The following AK2 variants were observed in gnomAD, a reference collection of about 807,000 sequenced individuals.
The protein encoded by AK2 is adenylate kinase 2, mitochondrial.
AK2 carries 15 observed loss-of-function variants against 24.6 expected under a neutral mutation model. The observed-to-expected ratio is 0.61, with a 90% CI of 0.41 to 0.94. AK2 has a LOEUF of 0.94. Among genes scored for constraint, AK2 ranks in the 40% least tolerant of loss-of-function variants. The pLI is 0.00. For missense variants in AK2, 257 were observed against 304.1 expected, an observed-to-expected ratio of 0.85 and a Z score of 1.15; for synonymous variants, 102 against 114.0, an observed-to-expected ratio of 0.90 and a Z score of 0.67.
At chr1:33,036,688 C>T (rs1285299298) in intron 1 of AK2, 48 bp downstream of exon 1, 13 of 1,518,700 alleles carry the variant, frequency 8.6e-6, no homozygotes, top group Non-Finnish European at 1.2e-5. Flanking sequence ...GCCGCCTTGA[C>T]CTTGGAGTTC....
In AK2 at chr1:33,011,633, G is replaced by A. The variant is rs1638827408; in HGVS notation, c.*1548C>T. ...GCTGAGGCTGGCGATATTATTTACT[G>A]GATCTGCCACTGACTTTCTAATGGT... On this transcript the variant is annotated 3_prime_UTR_variant, in exon 6 of 6. Transcript: ENST00000672715. The A allele has an allele frequency of 3.1e-6, 4 of 1,291,518 alleles. No homozygotes were observed. The highest frequency in any genetic ancestry group is 2.3e-5 in the Admixed American group (1 of 43,666). The allele number at this position is 1,291,518 out of a possible 1,614,324, so 80.0% of individuals were successfully genotyped here. A position where few individuals can be genotyped will look rare whatever the true frequency, so the allele number is the denominator to read the frequency against.
chr1:33,019,628 C>G, intron 4 of AK2: 1 of 993,146 alleles, frequency 1.0e-6, no homozygotes, highest in Non-Finnish European at 1.2e-6. Context: ...TAGTGCTAAC[C>G]CTGTGCTGTC....
At chr1:33,026,782 T>C (rs1418117381) in intron 1 of AK2, among the ~76,000 whole-genome samples, 2 of 149,798 alleles carry the variant, frequency 1.3e-5, no homozygotes, top group African/African-American at 2.5e-5. Flanking sequence ...CACTCCAGCC[T>C]GGAGACAGAG....
At position 33,036,639 on chromosome 1, in the gene AK2, CG is replaced by C. The variant is rs1471344985; in HGVS notation, c.93+96del. On this transcript the variant is annotated intron_variant, in intron 1 of 5. Transcript: ENST00000672715. Reference sequence around the variant, plus strand: ...AGCGTTCCCCGCAGGCCTTAGTCCCCGGCCCGCTCCGGGCAGGTCCAGGGCT... The same window carrying C: ...AGCGTTCCCCGCAGGCCTTAGTCCCCGCCCGCTCCGGGCAGGTCCAGGGCT... 1.1e-5 allele frequency: 13 copies of C among 1,203,520 alleles called. No homozygotes were observed. In the African/African-American group the frequency reaches 1.8e-4, roughly 17 times the overall value. 74.6% of individuals were successfully genotyped at this position (1,203,520 alleles called of 1,614,324 possible).
intron 2 of AK2, among the ~76,000 whole-genome samples, chr1:33,023,501 C>A (rs1289816287): frequency 6.6e-6 from 1 of 152,086 alleles, no homozygotes; most frequent in Non-Finnish European, 1.5e-5. Flanking sequence ...GTGGGAGGAT[C>A]ACTTGAGCCC....
chr1:33,020,057 G>C, intron 4 of AK2: 1 of 1,534,950 alleles, frequency 6.5e-7, no homozygotes, highest in South Asian at 1.2e-5. Context: ...GCACAAAGCA[G>C]ATGGCAGTGA....
In AK2 at chr1:33,010,833, G is replaced by A. The variant is rs549550136; in HGVS notation, c.*2348C>T. 4.3e-6 allele frequency: 7 copies of A among 1,614,196 alleles called. No individual in the cohort carries two copies. In the African/African-American group the frequency reaches 8.0e-5, roughly 18 times the overall value. On this transcript the variant is annotated 3_prime_UTR_variant, in exon 6 of 6. Coordinates refer to ENST00000672715, the MANE Select transcript of AK2 (RefSeq NM_001625.4). Reference sequence around the variant, plus strand: ...GTCTCGCCTGGCCTTCTGATACTAGGCTGAAATAGAGAGGAAACAAGAGAG... The same window carrying A: ...GTCTCGCCTGGCCTTCTGATACTAGACTGAAATAGAGAGGAAACAAGAGAG...
In AK2 at chr1:33,009,542, T is replaced by C. The variant is rs1437007608; in HGVS notation, c.*3639A>G. 2 of 454,028 alleles carry C rather than the reference T, an allele frequency of 4.4e-6. No homozygotes were observed. The highest frequency in any genetic ancestry group is 4.0e-5 in the African/African-American group (2 of 50,016). The allele number at this position is 454,028 out of a possible 1,614,324, so 28.1% of individuals were successfully genotyped here. The stretch of plus-strand genomic sequence containing the variant: ...CCAATGTCTGTTGCATGCCAGGTAC[T>C]GAGCAAAAACCTTCTTCCTATAAAT... On this transcript the variant is annotated 3_prime_UTR_variant, in exon 6 of 6. Coordinates refer to ENST00000672715, the MANE Select transcript of AK2 (RefSeq NM_001625.4).
intron 1 of AK2, among the ~76,000 whole-genome samples, chr1:33,026,196 T>C (rs75040699): frequency 0.026 from 3,956 of 152,284 alleles, 79 homozygotes; most frequent in Non-Finnish European, 0.04. Context: ...TTTTCTTTTC[T>C]TTCTTTCTTT....
chr1:33,034,198 C>A (rs1194247245), intron 1 of AK2, among the ~76,000 whole-genome samples: 1 of 152,108 alleles, frequency 6.6e-6, no homozygotes, highest in African/African-American at 2.4e-5. Flanking sequence ...CTTATCCTTT[C>A]AACTCCCAGC....
intron 2 of AK2, among the ~76,000 whole-genome samples, chr1:33,022,566 A>C (rs1045093109): frequency 6.6e-6 from 1 of 152,010 alleles, no homozygotes; most frequent in Non-Finnish European, 1.5e-5. Context: ...CATGTTGGCC[A>C]GGCTGGTCTC....
chr1:33,019,976 C>G (rs908772015), intron 4 of AK2: 1 of 1,437,516 alleles, frequency 7.0e-7, no homozygotes, highest in African/African-American at 1.4e-5. Flanking sequence ...CATAAAAAAG[C>G]TACAGCCCAC....
chr1:33,013,548 G>A, intron 5 of AK2, 146 bp from the exon 6 acceptor site: 1 of 1,444,336 alleles, frequency 6.9e-7, no homozygotes, highest in Non-Finnish European at 9.4e-7. Flanking sequence ...AGGCAATCCA[G>A]ACCCTCTCCA....
intron 5 of AK2, 139 bp from the exon 6 acceptor site, chr1:33,013,541 C>A (rs1199136114): frequency 1.4e-6 from 2 of 1,457,568 alleles, no homozygotes; most frequent in Non-Finnish European, 1.9e-6. Context: ...CAAAGACAGG[C>A]AATCCAGACC....
intron 1 of AK2, among the ~76,000 whole-genome samples, chr1:33,036,097 G>A (rs933544787): frequency 1.3e-5 from 2 of 152,036 alleles, no homozygotes; most frequent in Non-Finnish European, 2.9e-5. Context: ...AACCCTTATT[G>A]TGGACACTAC....
rs374375970 is a variant in AK2, at chr1:33,011,221, T to A, written c.*1960A>T. The A allele has an allele frequency of 3.1e-6, 4 of 1,308,768 alleles. No homozygotes were observed. In the East Asian group the frequency reaches 2.0e-4, roughly 65 times the overall value. The allele number at this position is 1,308,768 out of a possible 1,614,324, so 81.1% of individuals were successfully genotyped here. A position where few individuals can be genotyped will look rare whatever the true frequency, so the allele number is the denominator to read the frequency against. ...CCAAGTGCTTACAATTGTCCCTAGT[T>A]AAAGGGGAGCTGATTCTAAGATTCA... On this transcript the variant is annotated 3_prime_UTR_variant, in exon 6 of 6. Transcript: ENST00000672715.
chr1:33,024,649 G>T, intron 1 of AK2, 82 bp from the exon 2 acceptor site: 1 of 1,565,386 alleles, frequency 6.4e-7, no homozygotes, highest in Non-Finnish European at 8.8e-7. Flanking sequence ...ACCTGGCCCT[G>T]CCACTTACTG....
intron 4 of AK2, among the ~76,000 whole-genome samples, chr1:33,015,920 T>G (rs1429054836): frequency 6.6e-6 from 1 of 152,140 alleles, no homozygotes; most frequent in East Asian, 1.9e-4. Context: ...TATTCAATTC[T>G]ATTTAGACTA....
chr1:33,021,950 A>G (rs961245134), intron 2 of AK2, among the ~76,000 whole-genome samples: 3 of 152,118 alleles, frequency 2.0e-5, no homozygotes, highest in African/African-American at 7.2e-5. Context: ...CTGTATCCCA[A>G]AAATCTGGGT....
Sources: allele counts gnomAD v4.1 joint callset (sites outside exome capture counted in the v4.1 genomes callset), GRCh38; gene constraint gnomAD v4.1.1; transcripts MANE v1.5; gene names NCBI Gene and HGNC (gene_info 2026-07-23, HGNC 2026-07-21).